Variants in NEGR1 observed in about 807,000 individuals in gnomAD.
The protein encoded by NEGR1 is neuronal growth regulator 1.
Under a neutral mutation model 40.9 loss-of-function variants are expected in NEGR1, and 10 were observed. The observed-to-expected ratio is 0.24, with a 90% CI of 0.15 to 0.42. NEGR1 has a LOEUF of 0.42. Ranked by LOEUF, NEGR1 falls within the 10% of genes least tolerant of loss-of-function variation. The pLI is 1.00. For missense variants in NEGR1, 352 were observed against 438.9 expected (o/e 0.80, Z 1.77); for synonymous variants, 185 against 166.8 (o/e 1.11, Z -0.84).
At chr1:72,264,303 T>C (rs1655565196) in intron 1 of NEGR1, among the ~76,000 whole-genome samples, 1 of 151,206 alleles carries the variant, frequency 6.6e-6, no homozygotes, top group African/African-American at 2.4e-5. Flanking sequence ...TTAACACTTG[T>C]TCTCCTTCCC....
intron 2 of NEGR1, among the ~76,000 whole-genome samples, chr1:71,816,524 A>T (rs550066084): frequency 6.6e-6 from 1 of 152,028 alleles, no homozygotes; most frequent in African/African-American, 2.4e-5. Context: ...ACTGCCCTTT[A>T]TAAAACCATC....
intron 6 of NEGR1, among the ~76,000 whole-genome samples, chr1:71,493,622 A>G (rs1646943639): frequency 6.6e-6 from 1 of 152,174 alleles, no homozygotes; most frequent in Non-Finnish European, 1.5e-5. Flanking sequence ...CAATATCTTG[A>G]TTGCCCTCCT....
At chr1:72,203,871 T>C (rs1653301230) in intron 1 of NEGR1, among the ~76,000 whole-genome samples, 1 of 152,132 alleles carries the variant, frequency 6.6e-6, no homozygotes, top group African/African-American at 2.4e-5. Flanking sequence ...CTCAGAGGAT[T>C]GTTAGCATCT....
intron 1 of NEGR1, 21 bp from the exon 2 acceptor site, chr1:71,935,332 A>C (rs1354834389): frequency 1.4e-6 from 2 of 1,460,360 alleles, no homozygotes; most frequent in Admixed American, 3.4e-5. Context: ...CAAGAGATAC[A>C]ACACTATTAA....
Position 71,797,769 on chromosome 1 carries a change from G to T in NEGR1, c.410-21472C>A, listed in dbSNP as rs552183262. On this transcript the variant is annotated intron_variant, in intron 2 of 6. Coordinates refer to ENST00000357731, the MANE Select transcript of NEGR1 (RefSeq NM_173808.3). ...TACATTAATTTATTTAGTTGTCTTT[G>T]TTTCCTTCTAAATAACATTCTCTGA... is the stretch of plus-strand genomic sequence containing the variant. Among the ~76,000 whole-genome samples the T allele has an allele frequency of 1.1e-4, 17 of 151,996 alleles. No homozygotes were observed. The South Asian group carries it at 3.5e-3, about 32-fold the overall frequency.
chr1:72,281,395 T>C (rs1276843126), intron 1 of NEGR1, among the ~76,000 whole-genome samples: 1 of 152,078 alleles, frequency 6.6e-6, no homozygotes, highest in East Asian at 1.9e-4. Context: ...GAAGTGCCAG[T>C]GCATGTGAGG....
At chr1:71,943,025 TATA>T in intron 1 of NEGR1, among the ~76,000 whole-genome samples, 1 of 134,022 alleles carries the variant, frequency 7.5e-6, no homozygotes, top group Non-Finnish European at 1.7e-5. Flanking sequence ...TGTGTATATA[TATA>T]CACACATACA....
intron 1 of NEGR1, among the ~76,000 whole-genome samples, chr1:72,081,263 C>A (rs1012770112): frequency 1.1e-4 from 16 of 151,904 alleles, no homozygotes; most frequent in African/African-American, 3.6e-4. Context: ...TAGGACATGC[C>A]CTCCTCAAGT....
At chr1:72,218,763 G>C (rs1653911273) in intron 1 of NEGR1, among the ~76,000 whole-genome samples, 2 of 151,998 alleles carry the variant, frequency 1.3e-5, no homozygotes, top group Non-Finnish European at 2.9e-5. Context: ...AAGCTTAGTA[G>C]TGGGTAAGAT....
intron 1 of NEGR1, among the ~76,000 whole-genome samples, chr1:72,161,008 G>C (rs915265323): frequency 6.6e-6 from 1 of 152,072 alleles, no homozygotes; most frequent in African/African-American, 2.4e-5. Flanking sequence ...TTTAATAGGG[G>C]CAATTAGGTG....
At chr1:71,962,918 A>G (rs1039768685) in intron 1 of NEGR1, among the ~76,000 whole-genome samples, 6 of 152,032 alleles carry the variant, frequency 3.9e-5, no homozygotes, top group Non-Finnish European at 7.4e-5. Flanking sequence ...AAAAACAAAA[A>G]TATCCTACCT....
At chr1:71,744,284 C>CATATATATATATATATATATATATATAT (rs147978120) in intron 3 of NEGR1, among the ~76,000 whole-genome samples, 114 of 137,094 alleles carry the variant, frequency 8.3e-4, no homozygotes, top group African/African-American at 3.1e-3. Flanking sequence ...TGACAAATAA[C>CATATATATATATATATATATATATATAT]ATATATATAT....
intron 1 of NEGR1, among the ~76,000 whole-genome samples, chr1:72,093,920 G>A (rs1648596346): frequency 6.6e-6 from 1 of 152,162 alleles, no homozygotes; most frequent in African/African-American, 2.4e-5. Flanking sequence ...TCACAGATGT[G>A]ATTAATTCAT....
intron 2 of NEGR1, among the ~76,000 whole-genome samples, chr1:71,867,486 G>C (rs1000103181): frequency 2.0e-5 from 3 of 152,106 alleles, no homozygotes; most frequent in East Asian, 1.9e-4. Context: ...TTACATTACA[G>C]AAATAAATAC....
At chr1:72,060,533 A>T (rs1647157587) in intron 1 of NEGR1, among the ~76,000 whole-genome samples, 2 of 151,750 alleles carry the variant, frequency 1.3e-5, no homozygotes, top group Admixed American at 1.3e-4. Flanking sequence ...TTAATGAAAG[A>T]TCTATGTCTT....
chr1:72,233,954 C>T (rs1654464018), intron 1 of NEGR1, among the ~76,000 whole-genome samples: 1 of 152,066 alleles, frequency 6.6e-6, no homozygotes, highest in Admixed American at 6.6e-5. Flanking sequence ...ACAGCTTCCC[C>T]AAAAGCTGTT....
intron 2 of NEGR1, among the ~76,000 whole-genome samples, chr1:71,849,037 C>T (rs549791912): frequency 2.6e-5 from 4 of 151,040 alleles, no homozygotes; most frequent in East Asian, 1.9e-4. Context: ...TTCAGTGAGC[C>T]GAGATTGTGC....
chr1:71,921,751 T>C (rs905832761), intron 2 of NEGR1, among the ~76,000 whole-genome samples: 2 of 146,666 alleles, frequency 1.4e-5, no homozygotes, highest in Non-Finnish European at 3.0e-5. Flanking sequence ...CATCGCATGG[T>C]TCATACATAT....
At chr1:71,785,015 G>T (rs1259491507) in intron 2 of NEGR1, among the ~76,000 whole-genome samples, 3 of 152,000 alleles carry the variant, frequency 2.0e-5, no homozygotes, top group Non-Finnish European at 2.9e-5. Context: ...TTATTTTTTT[G>T]ATTTGTTTTG....
Sources: gnomAD v4.1 joint callset for allele counts (sites outside exome capture counted in the v4.1 genomes callset) on GRCh38, gnomAD v4.1.1 for gene constraint, MANE v1.5 for transcripts, NCBI Gene and HGNC (gene_info 2026-07-23, HGNC 2026-07-21) for gene names.